Variants in ZC2HC1A observed in about 807,000 individuals in gnomAD.
The protein encoded by ZC2HC1A is zinc finger C2HC domain-containing protein 1A.
Under a neutral mutation model 40.7 loss-of-function variants are expected in ZC2HC1A, and 28 were observed. The ratio of observed to expected loss-of-function variants is 0.69; its 90% CI spans 0.51 to 0.94. The LOEUF (loss-of-function observed/expected upper bound fraction) is 0.94, where lower values mean the gene tolerates loss of function less well. Ranked by LOEUF, ZC2HC1A falls within the 40% of genes least tolerant of loss-of-function variation. The probability of loss-of-function intolerance (pLI) is 0.00; values close to 1 mark genes in which losing one functional copy is unlikely to be tolerated. For synonymous variants in ZC2HC1A, 129 were observed against 129.2 expected (o/e 1.00, Z 0.01); for missense variants, 389 against 386.3 (o/e 1.01, Z -0.06).
chr8:78,686,422 A>T lies in ZC2HC1A; in HGVS notation c.211-45A>T, dbSNP rs1000447918. On this transcript the variant is annotated intron_variant, in intron 3 of 8. Transcript: ENST00000263849. ...TGTTTTATTTCAATATACTAAAAAG[A>T]TACTGTTTGTTTATTTATTTATTTA... 2.4e-6 allele frequency: 3 copies of T among 1,252,186 alleles called. No homozygotes were observed. The African/African-American group carries it at 5.2e-5, about 22-fold the overall frequency. 77.6% of individuals were successfully genotyped at this position (1,252,186 alleles called of 1,614,324 possible).
chr8:78,695,826 C>G (rs928825774), intron 5 of ZC2HC1A, among the ~76,000 whole-genome samples: 4 of 152,126 alleles, frequency 2.6e-5, no homozygotes, highest in African/African-American at 9.7e-5. Flanking sequence ...TGGCATAATA[C>G]TGCAAAACGT....
intron 7 of ZC2HC1A, among the ~76,000 whole-genome samples, chr8:78,709,099 A>T (rs1325656754): frequency 1.3e-5 from 2 of 152,190 alleles, no homozygotes; most frequent in Non-Finnish European, 2.9e-5. Flanking sequence ...TTAAATGGAT[A>T]TCTCAGTTAA....
chr8:78,679,337 A>T (rs534170618), intron 3 of ZC2HC1A: 1 of 152,166 alleles, frequency 6.6e-6, no homozygotes, highest in Non-Finnish European at 1.5e-5. Context: ...TCTGATATCA[A>T]TATCTGTGGA....
chr8:78,683,169 A>G (rs10111625), intron 3 of ZC2HC1A, among the ~76,000 whole-genome samples: 104,310 of 151,574 alleles, frequency 0.69, 36,608 homozygotes, highest in East Asian at 0.91. Context: ...TGGATCTACC[A>G]TTCTGGGGTC....
intron 7 of ZC2HC1A, among the ~76,000 whole-genome samples, chr8:78,709,020 T>A (rs1369426852): frequency 6.6e-6 from 1 of 152,184 alleles, no homozygotes; most frequent in East Asian, 1.9e-4. Context: ...GAAACACAGA[T>A]CTTTTAAATA....
intron 5 of ZC2HC1A, among the ~76,000 whole-genome samples, chr8:78,693,522 A>C (rs991333199): frequency 2.0e-5 from 3 of 152,112 alleles, no homozygotes; most frequent in African/African-American, 7.2e-5. Flanking sequence ...TGGCCGCATA[A>C]ATGTCTTCTT....
Position 78,717,221 on chromosome 8 carries a change from G to A in ZC2HC1A, c.813-107G>A, listed in dbSNP as rs573324521. 4.0e-6 allele frequency: 4 copies of A among 999,252 alleles called. No individual in the cohort carries two copies. The African/African-American group carries it at 4.9e-5, about 12-fold the overall frequency. The allele number at this position is 999,252 out of a possible 1,614,324, so 61.9% of individuals were successfully genotyped here. A position where few individuals can be genotyped will look rare whatever the true frequency, so the allele number is the denominator to read the frequency against. ...TTTGAACTAGAGGAATATTAAAAAC[G>A]AGATTAAGCAGGCTAATTGTTATAT... On this transcript the variant is annotated intron_variant, in intron 8 of 8. Coordinates refer to ENST00000263849, the MANE Select transcript of ZC2HC1A (RefSeq NM_016010.3).
At chr8:78,711,100 ATAAG>A (rs1221330093) in intron 7 of ZC2HC1A, among the ~76,000 whole-genome samples, 1 of 152,128 alleles carries the variant, frequency 6.6e-6, no homozygotes, top group Non-Finnish European at 1.5e-5. Context: ...TAGTCAGTGA[ATAAG>A]TAAAGAAATG....
intron 3 of ZC2HC1A, among the ~76,000 whole-genome samples, 199 bp from the exon 4 acceptor site, chr8:78,686,268 C>T (rs1809967842): frequency 6.6e-6 from 1 of 152,058 alleles, no homozygotes; most frequent in Non-Finnish European, 1.5e-5. Flanking sequence ...ATGACACTTA[C>T]ATTAAGAAAT....
chr8:78,695,078 G>A (rs948957728), intron 5 of ZC2HC1A, among the ~76,000 whole-genome samples: 1 of 152,022 alleles, frequency 6.6e-6, no homozygotes, highest in Non-Finnish European at 1.5e-5. Flanking sequence ...TCTAGGTCAG[G>A]GAAAACAGCA....
At chr8:78,672,770 A>G (rs1381907367) in intron 1 of ZC2HC1A, among the ~76,000 whole-genome samples, 1 of 152,090 alleles carries the variant, frequency 6.6e-6, no homozygotes. Context: ...GCCCATTTTA[A>G]TTGATAATTT....
At chr8:78,711,299 T>C (rs887086940) in intron 7 of ZC2HC1A, among the ~76,000 whole-genome samples, 3 of 152,082 alleles carry the variant, frequency 2.0e-5, no homozygotes, top group Admixed American at 6.5e-5. Context: ...TTTAAAACAG[T>C]GAAATATCCT....
At chr8:78,709,632 A>G (rs1420912453) in intron 7 of ZC2HC1A, among the ~76,000 whole-genome samples, 2 of 152,102 alleles carry the variant, frequency 1.3e-5, no homozygotes, top group Non-Finnish European at 2.9e-5. Flanking sequence ...GGGGTGTTCA[A>G]TCTTTTGGCT....
chr8:78,707,659 AC>A (rs1431313232), intron 7 of ZC2HC1A, among the ~76,000 whole-genome samples: 6 of 152,200 alleles, frequency 3.9e-5, no homozygotes, highest in African/African-American at 1.2e-4. Context: ...TGTCAATCAT[AC>A]CTGTTCAAAT....
chr8:78,689,154 C>A, intron 4 of ZC2HC1A, 68 bp from the exon 5 acceptor site: 1 of 1,215,952 alleles, frequency 8.2e-7, no homozygotes, highest in South Asian at 2.9e-5. Context: ...TGCATAGAAA[C>A]TTAAGATTTT....
chr8:78,672,101 C>T (rs892130291), intron 1 of ZC2HC1A, among the ~76,000 whole-genome samples: 1 of 152,040 alleles, frequency 6.6e-6, no homozygotes, highest in African/African-American at 2.4e-5. Flanking sequence ...AGACAAATTC[C>T]AGTGCTTTTT....
At chr8:78,674,214 C>G (rs967623728) in intron 1 of ZC2HC1A, among the ~76,000 whole-genome samples, 1 of 152,104 alleles carries the variant, frequency 6.6e-6, no homozygotes, top group East Asian at 1.9e-4. Flanking sequence ...TTTCTATGTG[C>G]TGAATCCATT....
intron 5 of ZC2HC1A, among the ~76,000 whole-genome samples, chr8:78,691,252 G>C (rs1379166634): frequency 7.1e-6 from 1 of 141,400 alleles, no homozygotes; most frequent in African/African-American, 3.2e-5. Context: ...TTTCTCTTTA[G>C]TTTTGCCAGC....
chr8:78,666,571 T>G (rs1809305549), intron 1 of ZC2HC1A, among the ~76,000 whole-genome samples: 1 of 152,218 alleles, frequency 6.6e-6, no homozygotes, highest in African/African-American at 2.4e-5. Flanking sequence ...GGCCACTTTG[T>G]GCTGCAGCCC....
Sources: gnomAD v4.1 joint callset for allele counts (sites outside exome capture counted in the v4.1 genomes callset) on GRCh38, gnomAD v4.1.1 for gene constraint, MANE v1.5 for transcripts, NCBI Gene and HGNC (gene_info 2026-07-23, HGNC 2026-07-21) for gene names.